ZNF581: variants seen among roughly 807,000 people sequenced by gnomAD.
ZNF581 encodes the protein zinc finger protein 581.
In ZNF581, 1 loss-of-function variant was observed where a neutral mutation model predicts 1.2. That is an observed-to-expected ratio of 0.83 (90% CI 0.30 to 3.95). The LOEUF is 3.95. ZNF581 is among the 30% of genes most tolerant of loss of function. The pLI is 0.18. For synonymous variants in ZNF581, 105 were observed against 109.2 expected (o/e 0.96, Z 0.24); for missense variants, 273 against 274.6 (o/e 0.99, Z 0.04).
rs973243104 is a variant in ZNF581, at chr19:55,644,105, G to T, written c.-20+331G>T. 3.3e-5 allele frequency among the ~76,000 whole-genome samples: 5 copies of T among 152,130 alleles called. No homozygotes were observed. Among genetic ancestry groups the T allele is most frequent in the African/African-American group, 1.2e-4 (5 of 41,402 alleles). On this transcript the variant is annotated intron_variant, in intron 1 of 1. Transcript: ENST00000270451. This position sits in a 1 kb window ranked among gnomAD's most constrained non-coding sequence, Gnocchi z 4.3. ...GCCGGAACCTGGGGGTCCTAACGTC[G>T]GAGCCCCTGTGAATAGGCTTGGCTT... is the stretch of plus-strand genomic sequence containing the variant.
Position 55,644,812 on chromosome 19 carries a change from C to T in ZNF581, c.241C>T (p.Pro81Ser). Residue 81 changes from proline (P) to serine (S), a missense_variant, in exon 2 of 2, where the codon CCA becomes TCA. Physicochemically the swap from Pro to Ser is moderately conservative, Grantham distance 74. Transcript: ENST00000270451. This position sits in a 1 kb window ranked among gnomAD's most constrained non-coding sequence, Gnocchi z 4.3. ...GAGGGAGCCAGGGGCCAGTGGGGCTCCAGGCCAGAAAAAGTGCTACAGCTG... is the reference window on the plus strand; with the variant it reads ...GAGGGAGCCAGGGGCCAGTGGGGCTTCAGGCCAGAAAAAGTGCTACAGCTG... ...SQREPGASGA[P>S]GQKKCYSCPV... The T allele has an allele frequency of 6.2e-7, 1 of 1,612,452 alleles. No individual in the cohort carries two copies. Among genetic ancestry groups the T allele is most frequent in the Non-Finnish European group, 8.5e-7 (1 of 1,178,628 alleles).
chr19:55,644,525 CCTT>C lies in ZNF581; in HGVS notation c.-19-24_-19-22del, dbSNP rs781436848. The C allele has an allele frequency of 5.0e-5, 71 of 1,427,682 alleles. No homozygotes were observed. Among genetic ancestry groups the C allele is most frequent in the Non-Finnish European group, 4.5e-5 (48 of 1,060,486 alleles). 88.4% of individuals were successfully genotyped at this position (1,427,682 alleles called of 1,614,324 possible). A position where few individuals can be genotyped will look rare whatever the true frequency, so the allele number is the denominator to read the frequency against. ...TGCTGAGCTGCCCTCTTCTATATAACCTTCTTATCCCATCTCCCATCCACCAGG... is the reference window on the plus strand; with the variant it reads ...TGCTGAGCTGCCCTCTTCTATATAACCTTATCCCATCTCCCATCCACCAGG... On this transcript the variant is annotated intron_variant, in intron 1 of 1. Transcript: ENST00000270451. This position sits in a 1 kb window ranked among gnomAD's most constrained non-coding sequence, Gnocchi z 4.3.
In ZNF581 at chr19:55,635,571, G is replaced by T. The variant is rs540571038; in HGVS notation, c.-161G>T. Reference sequence around the variant, plus strand: ...ATCTGATTGCCAGCCTCGCTGGACCGTTGAGAGGATTCATCGAGACCCTGG... The same window carrying T: ...ATCTGATTGCCAGCCTCGCTGGACCTTTGAGAGGATTCATCGAGACCCTGG... On this transcript the variant is annotated 5_prime_UTR_variant, in exon 1 of 2. Transcript: ENST00000587252. 491 of 688,690 alleles carry T rather than the reference G, an allele frequency of 7.1e-4. 1 individual carries two copies. The African/African-American group carries it at 8.7e-3, about 12-fold the overall frequency. The allele number at this position is 688,690 out of a possible 1,614,324, so 42.7% of individuals were successfully genotyped here. A position where few individuals can be genotyped will look rare whatever the true frequency, so the allele number is the denominator to read the frequency against.
At chr19:55,642,413 G>C, upstream of ZNF581, 1 of 1,374,106 alleles carries the variant, frequency 7.3e-7, no homozygotes, top group Non-Finnish European at 9.4e-7. Flanking sequence ...AACAAGCAGT[G>C]ATAGTGGGGA....
At position 55,644,538 on chromosome 19, in the gene ZNF581, T is replaced by A; in HGVS notation, c.-19-15T>A. ...TCTTCTATATAACCTTCTTATCCCA[T>A]CTCCCATCCACCAGGCCTCAGCCAG... On this transcript the variant is annotated splice_polypyrimidine_tract_variant and intron_variant, in intron 1 of 1. Coordinates refer to ENST00000270451, the MANE Select transcript of ZNF581 (RefSeq NM_016535.4). This position sits in a 1 kb window ranked among gnomAD's most constrained non-coding sequence, Gnocchi z 4.3. 6.7e-7 allele frequency: 1 copy of A among 1,490,858 alleles called. No individual in the cohort carries two copies. The highest frequency in any genetic ancestry group is 9.0e-7 in the Non-Finnish European group (1 of 1,105,158). 92.4% of individuals were successfully genotyped at this position (1,490,858 alleles called of 1,614,324 possible).
chr19:55,638,414 T>C (rs751405305), upstream of ZNF581, among the ~76,000 whole-genome samples: 5 of 152,088 alleles, frequency 3.3e-5, no homozygotes, highest in Admixed American at 1.3e-4. Flanking sequence ...AATTTTTGTG[T>C]TTTTAGTAGA....
upstream of ZNF581, chr19:55,642,170 T>G: frequency 7.4e-6 from 8 of 1,075,792 alleles, no homozygotes; most frequent in East Asian, 6.0e-5. Context: ...TAGGGATTGA[T>G]TGTCTGCTGG....
chr19:55,642,726 C>T, upstream of ZNF581: 1 of 1,512,842 alleles, frequency 6.6e-7, no homozygotes, highest in Non-Finnish European at 8.8e-7. Flanking sequence ...GAGGAGGAGC[C>T]CCGGGGCCCG....
In ZNF581 at chr19:55,645,184, CCAGGTACCA is replaced by C; in HGVS notation, c.*24_*32del. On this transcript the variant is annotated 3_prime_UTR_variant, in exon 2 of 2. Transcript: ENST00000270451. ...TCCATGAGCCGGGCTGCCGGGTGCC[CCAGGTACCA>C]CAGGACTTTGCAGGGAGCCTGGACT... 2.6e-6 allele frequency: 4 copies of C among 1,510,604 alleles called. No homozygotes were observed. The South Asian group carries it at 5.3e-5, about 20-fold the overall frequency. The allele number at this position is 1,510,604 out of a possible 1,614,324, so 93.6% of individuals were successfully genotyped here.
upstream of ZNF581, among the ~76,000 whole-genome samples, chr19:55,636,308 T>G (rs1600033330): frequency 6.6e-6 from 1 of 150,490 alleles, no homozygotes; most frequent in Non-Finnish European, 1.5e-5. Context: ...CCTCAGGGGG[T>G]GGAGGTGATG....
upstream of ZNF581, among the ~76,000 whole-genome samples, chr19:55,639,461 A>G (rs528802169): frequency 4.6e-5 from 7 of 152,282 alleles, no homozygotes; most frequent in African/African-American, 1.4e-4. Flanking sequence ...AAATATACAT[A>G]CTGCCCAGTA....
upstream of ZNF581, chr19:55,642,575 C>T (rs752934345): frequency 5.5e-6 from 8 of 1,446,982 alleles, no homozygotes; most frequent in East Asian, 2.7e-5. Context: ...GGACCCACCG[C>T]CCCCCAAGGC....
chr19:55,641,333 C>T (rs1982457635), upstream of ZNF581: 2 of 484,446 alleles, frequency 4.1e-6, no homozygotes, highest in Non-Finnish European at 5.4e-6. Context: ...AGTCGAGGCG[C>T]CAGGGCTCCT....
Position 55,645,138 on chromosome 19 carries a change from G to A in ZNF581, c.567G>A (p.Gln189=). 3 of 1,520,442 alleles carry A rather than the reference G, an allele frequency of 2.0e-6. No individual in the cohort carries two copies. The highest frequency in any genetic ancestry group is 2.7e-6 in the Non-Finnish European group (3 of 1,131,448). 94.2% of individuals were successfully genotyped at this position (1,520,442 alleles called of 1,614,324 possible). The change falls in exon 2 of 2, where the codon CAG becomes CAA. Residue 189 remains glutamine (Q), a synonymous_variant. Transcript: ENST00000270451. ...GCTTTATGGAGCAGAACACACTGCA[G>A]AAACACACGCGGTGGAAGCATCCAT... ...PRRFMEQNTL[Q]KHTRWKHP
At chr19:55,642,271 G>T, upstream of ZNF581, 1 of 1,242,070 alleles carries the variant, frequency 8.1e-7, no homozygotes, top group Non-Finnish European at 1.0e-6. Flanking sequence ...AGGAGGAGTG[G>T]CAGGTGGTGG....
chr19:55,645,034 C>T lies in ZNF581; in HGVS notation c.463C>T (p.Arg155Trp), dbSNP rs775002272. The stretch of plus-strand genomic sequence containing the variant: ...CTGCCCGCTCTGCCCTCGCCGCTTC[C>T]GGGATGCGGGTGAGCTGGCCCAGCA... ...HGCPLCPRRFRDAGELAQHSR... is the reference protein window; with the variant it reads ...HGCPLCPRRFWDAGELAQHSR... The change falls in exon 2 of 2, where the codon CGG (arginine) becomes TGG (tryptophan). Residue 155 changes from arginine (R) to tryptophan (W), a missense_variant. Coordinates refer to ENST00000270451, the MANE Select transcript of ZNF581 (RefSeq NM_016535.4). 6.9e-6 allele frequency: 11 copies of T among 1,588,288 alleles called. No homozygotes were observed. Among genetic ancestry groups the T allele is most frequent in the South Asian group, 3.4e-5 (3 of 89,012 alleles).
At chr19:55,642,647 C>T (rs752489181), upstream of ZNF581, 74 of 1,431,692 alleles carry the variant, frequency 5.2e-5, 1 homozygote, top group South Asian at 1.0e-3. Context: ...GGGGCCCCGA[C>T]CCCCGCGGCT....
chr19:55,644,795 C>A lies in ZNF581; in HGVS notation c.224C>A (p.Pro75Gln). Residue 75 changes from proline to glutamine, a missense_variant, in exon 2 of 2, where the codon CCA (proline) becomes CAA (glutamine). Physicochemically the swap from Pro to Gln is moderately conservative, Grantham distance 76. Coordinates refer to ENST00000270451, the MANE Select transcript of ZNF581 (RefSeq NM_016535.4). This position sits in a 1 kb window ranked among gnomAD's most constrained non-coding sequence, Gnocchi z 4.3. ...GTGGACGAGGAGTCACAGAGGGAGC[C>A]AGGGGCCAGTGGGGCTCCAGGCCAG... Reference protein sequence around the residue: ...VLVDEESQREPGASGAPGQKK... With the variant: ...VLVDEESQREQGASGAPGQKK... 6.2e-7 allele frequency: 1 copy of A among 1,613,230 alleles called. No homozygotes were observed. The highest frequency in any genetic ancestry group is 2.2e-5 in the East Asian group (1 of 44,844).
intron 1 of ZNF581, among the ~76,000 whole-genome samples, chr19:55,636,010 G>A (rs77936503): frequency 0.044 from 6,728 of 152,260 alleles, 266 homozygotes; most frequent in African/African-American, 0.1. Context: ...GCTGTGAGAT[G>A]CCGTGTGTGC....
Sources: allele counts gnomAD v4.1 joint callset (sites outside exome capture counted in the v4.1 genomes callset), GRCh38; gene constraint gnomAD v4.1.1; non-coding constraint Gnocchi (gnomAD v3.1); transcripts MANE v1.5; gene names NCBI Gene and HGNC (gene_info 2026-07-23, HGNC 2026-07-21).